C1orf146: variants seen among roughly 807,000 people sequenced by gnomAD.
C1orf146 encodes the protein protein SPO16 homolog.
Under a neutral mutation model 23.0 loss-of-function variants are expected in C1orf146, and 22 were observed. The ratio of observed to expected loss-of-function variants is 0.96; its 90% CI spans 0.68 to 1.36. The LOEUF (loss-of-function observed/expected upper bound fraction) is 1.36. Among genes scored for constraint, C1orf146 ranks in the 40% most tolerant of loss-of-function variants. The probability of loss-of-function intolerance (pLI) is 0.00; values close to 1 mark genes in which losing one functional copy is unlikely to be tolerated. For synonymous variants in C1orf146, 59 were observed against 65.3 expected (o/e 0.90, Z 0.47); for missense variants, 199 against 206.8 (o/e 0.96, Z 0.23).
intron 1 of C1orf146, among the ~76,000 whole-genome samples, chr1:92,223,991 TTTG>T (rs764346737): frequency 2.3e-4 from 34 of 150,494 alleles, no homozygotes; most frequent in South Asian, 1.1e-3. Flanking sequence ...CTGGTGCAGT[TTTG>T]TTGTTGTTGT....
At chr1:92,223,033 G>A (rs542037011) in intron 1 of C1orf146, among the ~76,000 whole-genome samples, 1 of 152,050 alleles carries the variant, frequency 6.6e-6, no homozygotes, top group Non-Finnish European at 1.5e-5. Flanking sequence ...TGAGTAATAC[G>A]CCATTGTATG....
chr1:92,229,494 T>G, intron 1 of C1orf146: 1 of 457,252 alleles, frequency 2.2e-6, no homozygotes. Context: ...AGCTGTACCC[T>G]TGTCCCCATT....
At chr1:92,236,531 T>C (rs1652280369) in intron 2 of C1orf146, among the ~76,000 whole-genome samples, 1 of 152,224 alleles carries the variant, frequency 6.6e-6, no homozygotes, top group African/African-American at 2.4e-5. Context: ...TCTCTCTGGC[T>C]GCCCTTAACA....
intron 2 of C1orf146, among the ~76,000 whole-genome samples, chr1:92,237,233 G>A (rs1341050864): frequency 6.6e-6 from 1 of 152,016 alleles, no homozygotes; most frequent in Non-Finnish European, 1.5e-5. Context: ...CCATCTTTGT[G>A]GTTTTATCTA....
chr1:92,231,433 GGAAAA>G lies in C1orf146; in HGVS notation c.19_23del (p.Glu7AsnfsTer10), dbSNP rs1193211879. The G allele has an allele frequency of 3.7e-6, 6 of 1,608,238 alleles. No homozygotes were observed. The highest frequency in any genetic ancestry group is 5.1e-6 in the Non-Finnish European group (6 of 1,177,562). On this transcript the variant is annotated frameshift_variant, in exon 2 of 6. Coordinates refer to ENST00000370375, the MANE Select transcript of C1orf146 (RefSeq NM_001012425.2). LOFTEE classifies it high-confidence loss of function. ...GATCCACAGACAGATGGCTGAAAGT[GGAAAA>G]GAAAAAATAAAATGGACAACCACCA...
chr1:92,236,793 T>G (rs1160236933), intron 2 of C1orf146, among the ~76,000 whole-genome samples: 1 of 152,176 alleles, frequency 6.6e-6, no homozygotes, highest in African/African-American at 2.4e-5. Context: ...TATTTCTTGC[T>G]GGATTTGTTC....
chr1:92,235,232 C>G (rs1353733407), intron 2 of C1orf146, among the ~76,000 whole-genome samples: 1 of 152,020 alleles, frequency 6.6e-6, no homozygotes, highest in Non-Finnish European at 1.5e-5. Flanking sequence ...TTCCTGCTTT[C>G]TCTTGTGGGC....
At chr1:92,229,184 G>A in intron 1 of C1orf146, 2 of 535,978 alleles carry the variant, frequency 3.7e-6, no homozygotes, top group South Asian at 3.0e-5. Flanking sequence ...TAGGTGCCAG[G>A]GCAGTGATTG....
intron 1 of C1orf146, among the ~76,000 whole-genome samples, chr1:92,226,212 G>A (rs969670960): frequency 4.0e-5 from 6 of 151,808 alleles, no homozygotes; most frequent in Non-Finnish European, 8.8e-5. Flanking sequence ...GGAATATTTT[G>A]TAGTACACCA....
intron 2 of C1orf146, among the ~76,000 whole-genome samples, chr1:92,232,176 A>G (rs3103170): frequency 0.58 from 88,066 of 151,338 alleles, 28,105 homozygotes; most frequent in East Asian, 0.96. Flanking sequence ...AGTTACATAC[A>G]TATATATGTG....
chr1:92,244,907 T>A (rs774240390), intron 5 of C1orf146, 50 bp downstream of exon 5: 2 of 1,057,010 alleles, frequency 1.9e-6, no homozygotes, highest in East Asian at 4.9e-5. Flanking sequence ...TTTAAGGTTT[T>A]TAACTTCCAA....
At chr1:92,218,988 ATTACT>A (rs574853659) in intron 1 of C1orf146, among the ~76,000 whole-genome samples, 259 of 152,260 alleles carry the variant, frequency 1.7e-3, no homozygotes, top group African/African-American at 3.0e-3. Flanking sequence ...TGTGCACGTG[ATTACT>A]TTACTTCTCT....
At chr1:92,224,101 A>G (rs1168318123) in intron 1 of C1orf146, among the ~76,000 whole-genome samples, 2 of 150,354 alleles carry the variant, frequency 1.3e-5, no homozygotes, top group Non-Finnish European at 1.5e-5. Flanking sequence ...CCCAGGCTGG[A>G]GTGCAGTGGC....
In C1orf146 at chr1:92,244,776, C is replaced by A; in HGVS notation, c.330-3C>A. 1 of 1,586,710 alleles carries A rather than the reference C, an allele frequency of 6.3e-7. No individual in the cohort carries two copies. The highest frequency in any genetic ancestry group is 8.6e-7 in the Non-Finnish European group (1 of 1,156,450). On this transcript the variant is annotated splice_polypyrimidine_tract_variant and splice_region_variant and intron_variant, in intron 4 of 5. Coordinates refer to ENST00000370375, the MANE Select transcript of C1orf146 (RefSeq NM_001012425.2). ...GATCTGTATAACATGAATTGTTTTT[C>A]AGATTCCTGGGTTGTAACTTACGAA... is the stretch of plus-strand genomic sequence containing the variant.
intron 1 of C1orf146, among the ~76,000 whole-genome samples, chr1:92,227,860 G>A (rs908535558): frequency 7.1e-6 from 1 of 141,738 alleles, no homozygotes; most frequent in African/African-American, 2.6e-5. Context: ...GTTTTACTTT[G>A]TTAATCTGTT....
At chr1:92,232,291 G>A (rs1652146641) in intron 2 of C1orf146, among the ~76,000 whole-genome samples, 1 of 125,322 alleles carries the variant, frequency 8.0e-6, no homozygotes, top group Non-Finnish European at 1.6e-5. Context: ...CCCAGAGTGT[G>A]ATGTTCCCCT....
intron 2 of C1orf146, among the ~76,000 whole-genome samples, chr1:92,238,871 G>A (rs952921845): frequency 5.9e-5 from 9 of 151,924 alleles, no homozygotes; most frequent in Admixed American, 5.3e-4. Context: ...TCCTTCACTT[G>A]TCTGCTTAAT....
At chr1:92,238,640 A>T (rs1364656767) in intron 2 of C1orf146, among the ~76,000 whole-genome samples, 1 of 151,648 alleles carries the variant, frequency 6.6e-6, no homozygotes, top group Non-Finnish European at 1.5e-5. Context: ...TTATTCTTTT[A>T]GTTGGCTCCT....
intron 2 of C1orf146, among the ~76,000 whole-genome samples, chr1:92,239,289 A>G (rs957324862): frequency 6.6e-6 from 1 of 152,080 alleles, no homozygotes; most frequent in African/African-American, 2.4e-5. Context: ...GTCCCTTTGT[A>G]TGTCTGATTA....
Sources: gnomAD v4.1 joint callset for allele counts (sites outside exome capture counted in the v4.1 genomes callset) on GRCh38, gnomAD v4.1.1 for gene constraint, MANE v1.5 for transcripts, NCBI Gene and HGNC (gene_info 2026-07-23, HGNC 2026-07-21) for gene names.